The following SHISA6 variants were observed in gnomAD, a reference collection of about 807,000 sequenced individuals.
SHISA6 encodes shisa family member 6, also known as protein shisa-6.
SHISA6 carries 22 observed loss-of-function variants against 47.9 expected under a neutral mutation model. That is an observed-to-expected ratio of 0.46 (90% confidence interval 0.33 to 0.66). The LOEUF (loss-of-function observed/expected upper bound fraction) is 0.66. SHISA6 is among the 30% of genes least tolerant of loss of function. SHISA6 has a pLI of 0.02. For synonymous variants in SHISA6, 388 were observed against 337.8 expected, an observed-to-expected ratio of 1.15 and a Z score of -1.63; for missense variants, 680 against 764.6, an observed-to-expected ratio of 0.89 and a Z score of 1.30.
intron 3 of SHISA6, among the ~76,000 whole-genome samples, chr17:11,515,295 A>G (rs2071574437): frequency 6.9e-6 from 1 of 145,414 alleles, no homozygotes; most frequent in Non-Finnish European, 1.5e-5. Flanking sequence ...AAAAGAAGAA[A>G]GAGGAAGGAA....
In SHISA6 at chr17:11,558,099, C is replaced by T; in HGVS notation, c.1451C>T (p.Thr484Ile). 1 of 1,551,590 alleles carries T rather than the reference C, an allele frequency of 6.4e-7. No homozygotes were observed. The highest frequency in any genetic ancestry group is 8.7e-7 in the Non-Finnish European group (1 of 1,146,996). Residue 484 changes from threonine (T) to isoleucine (I), a missense_variant, in exon 6 of 6, where the codon ACA becomes ATA. Physicochemically the swap from Thr to Ile is moderately conservative, Grantham distance 89. Coordinates refer to ENST00000441885, the MANE Select transcript of SHISA6 (RefSeq NM_207386.4). Reference protein sequence around the residue: ...AISHTDVFVSTPVLDRYRMSK... With the variant: ...AISHTDVFVSIPVLDRYRMSK... Reference sequence around the variant, plus strand: ...TCGCACACGGACGTCTTTGTGTCCACACCCGTGCTGGACCGCTACCGCATG... The same window carrying T: ...TCGCACACGGACGTCTTTGTGTCCATACCCGTGCTGGACCGCTACCGCATG...
At chr17:11,432,298 G>A (rs1392548666) in intron 3 of SHISA6, among the ~76,000 whole-genome samples, 1 of 152,168 alleles carries the variant, frequency 6.6e-6, no homozygotes, top group Admixed American at 6.5e-5. Context: ...GGACTCCTCT[G>A]AGTCAGTGAG....
chr17:11,523,734 A>G (rs2969190), intron 3 of SHISA6, among the ~76,000 whole-genome samples: 120,941 of 152,152 alleles, frequency 0.79, 48,926 homozygotes, highest in East Asian at 0.96. Context: ...GGCTGGGCGC[A>G]GTGACTCATG....
At chr17:11,527,863 T>G (rs149406789) in intron 3 of SHISA6, among the ~76,000 whole-genome samples, 274 of 152,294 alleles carry the variant, frequency 1.8e-3, no homozygotes, top group African/African-American at 5.2e-3. Context: ...AAGTTATTGT[T>G]TTTGGTAGGT....
At chr17:11,408,345 A>G (rs1050060988) in intron 3 of SHISA6, among the ~76,000 whole-genome samples, 8 of 152,150 alleles carry the variant, frequency 5.3e-5, no homozygotes, top group Non-Finnish European at 8.8e-5. Context: ...TAGAAGTGCA[A>G]ATTCTTGGGC....
Position 11,508,691 on chromosome 17 carries a change from T to C in SHISA6, c.896-43205T>C, listed in dbSNP as rs1417208741. On this transcript the variant is annotated intron_variant, in intron 3 of 5. Transcript: ENST00000441885. ...TGAGAAGGCTTTCTCCTTCTCTGCC[T>C]TCTTCCTTGGCTATACAATTTTGTG... is the stretch of plus-strand genomic sequence containing the variant. Among the ~76,000 whole-genome samples the C allele has an allele frequency of 2.2e-5, 3 of 138,234 alleles. 1 individual carries two copies. Among genetic ancestry groups the C allele is most frequent in the Non-Finnish European group, 4.7e-5 (3 of 63,526 alleles). 90.7% of individuals were successfully genotyped at this position (138,234 alleles called of 152,430 possible).
intron 2 of SHISA6, among the ~76,000 whole-genome samples, chr17:11,295,685 CG>C (rs1269983958): frequency 1.3e-5 from 2 of 151,986 alleles, no homozygotes; most frequent in African/African-American, 4.8e-5. Context: ...GTCATGGGGC[CG>C]GGTGCGGTGG....
chr17:11,408,204 C>T (rs1215165407), intron 3 of SHISA6, among the ~76,000 whole-genome samples: 2 of 152,120 alleles, frequency 1.3e-5, no homozygotes, highest in Non-Finnish European at 2.9e-5. Context: ...GTTCTCACTC[C>T]TCCTTATGCC....
chr17:11,407,831 G>A (rs1382808365), intron 3 of SHISA6, among the ~76,000 whole-genome samples: 1 of 152,108 alleles, frequency 6.6e-6, no homozygotes, highest in Non-Finnish European at 1.5e-5. Context: ...TTGGCTTTAT[G>A]AGGAAAATTA....
chr17:11,499,789 C>T (rs915128213), intron 3 of SHISA6, among the ~76,000 whole-genome samples: 2 of 151,570 alleles, frequency 1.3e-5, no homozygotes, highest in Non-Finnish European at 2.9e-5. Flanking sequence ...GCAACCTCCG[C>T]CTTCCAGGTT....
intron 2 of SHISA6, among the ~76,000 whole-genome samples, chr17:11,371,599 T>C (rs1912631193): frequency 6.6e-6 from 1 of 152,202 alleles, no homozygotes; most frequent in Non-Finnish European, 1.5e-5. Context: ...TATTAGTATC[T>C]GTGTTTGATA....
intron 3 of SHISA6, among the ~76,000 whole-genome samples, chr17:11,388,549 C>A (rs116945281): frequency 0.037 from 5,558 of 151,836 alleles, 190 homozygotes; most frequent in Admixed American, 0.088. Flanking sequence ...CCTGTCATTG[C>A]CTTGGTGTGC....
Position 11,376,203 on chromosome 17 carries a change from C to T in SHISA6, c.800-3211C>T, listed in dbSNP as rs144445164. Among the ~76,000 whole-genome samples the T allele has an allele frequency of 6.4e-4, 97 of 152,256 alleles. 1 individual carries two copies. Among genetic ancestry groups the T allele is most frequent in the African/African-American group, 2.3e-3 (94 of 41,558 alleles). On this transcript the variant is annotated intron_variant, in intron 2 of 5. Coordinates refer to ENST00000441885, the MANE Select transcript of SHISA6 (RefSeq NM_207386.4). ...CAGCTAACAAATCCTATGATACCCACTCATATAATCATGAGTTCATATCAT... is the reference window on the plus strand; with the variant it reads ...CAGCTAACAAATCCTATGATACCCATTCATATAATCATGAGTTCATATCAT...
intron 3 of SHISA6, among the ~76,000 whole-genome samples, chr17:11,415,172 G>A (rs1221835183): frequency 6.6e-6 from 1 of 152,022 alleles, no homozygotes; most frequent in Non-Finnish European, 1.5e-5. Flanking sequence ...GCATTATTAT[G>A]TGTTCTGGTG....
At chr17:11,385,328 A>G (rs1048305275) in intron 3 of SHISA6, among the ~76,000 whole-genome samples, 3 of 152,096 alleles carry the variant, frequency 2.0e-5, no homozygotes, top group African/African-American at 7.2e-5. Context: ...TGAGGCTGGA[A>G]CAGAAGGAGC....
At chr17:11,322,072 T>C (rs1910734665) in intron 2 of SHISA6, among the ~76,000 whole-genome samples, 1 of 152,202 alleles carries the variant, frequency 6.6e-6, no homozygotes, top group South Asian at 2.1e-4. Flanking sequence ...TATGTCTCTT[T>C]AATTTATCAG....
At chr17:11,459,112 G>A (rs1312023400) in intron 3 of SHISA6, among the ~76,000 whole-genome samples, 2 of 151,426 alleles carry the variant, frequency 1.3e-5, no homozygotes, top group Non-Finnish European at 1.5e-5. Flanking sequence ...CCAGCTACTC[G>A]GGAGACTGAG....
intron 2 of SHISA6, among the ~76,000 whole-genome samples, chr17:11,271,028 A>C (rs1908625313): frequency 6.6e-6 from 1 of 152,164 alleles, no homozygotes; most frequent in Non-Finnish European, 1.5e-5. Flanking sequence ...CAGGGTCTCT[A>C]GGGTGCAAAT....
chr17:11,490,165 A>G (rs1229771341), intron 3 of SHISA6, among the ~76,000 whole-genome samples: 1 of 152,172 alleles, frequency 6.6e-6, no homozygotes, highest in Non-Finnish European at 1.5e-5. Context: ...ATGCCAAGGC[A>G]TTGGCCTGCG....
Sources: allele counts gnomAD v4.1 joint callset (sites outside exome capture counted in the v4.1 genomes callset), GRCh38; gene constraint gnomAD v4.1.1; transcripts MANE v1.5; gene names NCBI Gene and HGNC (gene_info 2026-07-23, HGNC 2026-07-21).